Variants in ZFR observed in about 807,000 individuals in gnomAD.
ZFR encodes zinc finger RNA-binding protein.
Under a neutral mutation model 130.7 loss-of-function variants are expected in ZFR, and 19 were observed. The ratio of observed to expected loss-of-function variants is 0.15; its 90% CI spans 0.10 to 0.21. The LOEUF is 0.21. Ranked by LOEUF, ZFR falls within the 10% of genes least tolerant of loss-of-function variation. ZFR has a pLI of 1.00. For missense variants in ZFR, 872 were observed against 1,321.5 expected (o/e 0.66, Z 5.27); for synonymous variants, 466 against 456.9 (o/e 1.02, Z -0.25).
chr5:32,436,506 C>T (rs912717022), intron 2 of ZFR, among the ~76,000 whole-genome samples: 1 of 152,064 alleles, frequency 6.6e-6, no homozygotes, highest in Admixed American at 6.6e-5. Context: ...CTACTGAATG[C>T]TTGATATATG....
chr5:32,430,746 G>C (rs1200381327), intron 2 of ZFR, among the ~76,000 whole-genome samples: 1 of 152,092 alleles, frequency 6.6e-6, no homozygotes, highest in African/African-American at 2.4e-5. Flanking sequence ...CAAGGAGGTA[G>C]AATCAAAGAT....
chr5:32,406,728 C>G (rs1581701120), intron 6 of ZFR, 46 bp downstream of exon 6: 1 of 1,572,932 alleles, frequency 6.4e-7, no homozygotes, highest in African/African-American at 1.4e-5. Flanking sequence ...ACCAACTACA[C>G]TTAATAACCA....
intron 2 of ZFR, among the ~76,000 whole-genome samples, chr5:32,441,167 G>A (rs188122081): frequency 1.7e-4 from 26 of 152,252 alleles, no homozygotes; most frequent in Admixed American, 1.1e-3. Context: ...AGTAGAGACC[G>A]GGTTTCGCCA....
intron 12 of ZFR, among the ~76,000 whole-genome samples, chr5:32,389,897 T>A (rs1458554586): frequency 1.3e-5 from 2 of 152,224 alleles, no homozygotes; most frequent in Non-Finnish European, 2.9e-5. Context: ...ATGCCTATAA[T>A]CCCAGCATTT....
At chr5:32,380,399 C>T (rs1752907897) in intron 15 of ZFR, 1 of 378,046 alleles carries the variant, frequency 2.6e-6, no homozygotes, top group African/African-American at 2.0e-5. Flanking sequence ...GAAATATAAA[C>T]CCTACCCACC....
chr5:32,433,860 C>T (rs1475269851), intron 2 of ZFR, among the ~76,000 whole-genome samples: 2 of 152,050 alleles, frequency 1.3e-5, no homozygotes, highest in East Asian at 1.9e-4. Context: ...GCAGGCGGAT[C>T]GCTTGAATCC....
At chr5:32,361,505 A>G (rs1457038075) in intron 19 of ZFR, among the ~76,000 whole-genome samples, 1 of 152,152 alleles carries the variant, frequency 6.6e-6, no homozygotes, top group African/African-American at 2.4e-5. Flanking sequence ...TAAAGATAAC[A>G]TAATAGTGTT....
chr5:32,420,228 A>G, intron 2 of ZFR, 125 bp from the exon 3 acceptor site: 9 of 1,133,322 alleles, frequency 7.9e-6, no homozygotes, highest in Non-Finnish European at 1.1e-5. Flanking sequence ...GACGGACCAC[A>G]AAAGGTCAAG....
At chr5:32,441,009 C>A (rs1173476578) in intron 2 of ZFR, among the ~76,000 whole-genome samples, 1 of 152,164 alleles carries the variant, frequency 6.6e-6, no homozygotes, top group Non-Finnish European at 1.5e-5. Context: ...GAGTCTGTCT[C>A]TGTTGCCCAG....
chr5:32,399,092 A>G (rs896705435), intron 9 of ZFR, among the ~76,000 whole-genome samples: 7 of 151,820 alleles, frequency 4.6e-5, no homozygotes, highest in African/African-American at 1.7e-4. Flanking sequence ...TGGCCAACAT[A>G]GTGAAACCCC....
chr5:32,383,473 AATGTTT>A (rs1752976917), intron 15 of ZFR, among the ~76,000 whole-genome samples: 1 of 152,224 alleles, frequency 6.6e-6, no homozygotes, highest in African/African-American at 2.4e-5. Context: ...ATGTTTACTT[AATGTTT>A]AACTGTCAAA....
chr5:32,414,780 TCTC>T (rs1290313203), intron 5 of ZFR, among the ~76,000 whole-genome samples, 186 bp downstream of exon 5: 2 of 151,446 alleles, frequency 1.3e-5, no homozygotes, highest in African/African-American at 4.9e-5. Flanking sequence ...TCTAAGATCT[TCTC>T]CTCCCCACGC....
intron 2 of ZFR, among the ~76,000 whole-genome samples, chr5:32,443,049 CA>C (rs565038328): frequency 7.9e-4 from 113 of 143,628 alleles, no homozygotes; most frequent in African/African-American, 6.1e-4. Context: ...ATTATTTATT[CA>C]AAAAAAAAAA....
At chr5:32,419,470 T>C (rs1275244152) in intron 3 of ZFR, among the ~76,000 whole-genome samples, 1 of 152,172 alleles carries the variant, frequency 6.6e-6, no homozygotes, top group African/African-American at 2.4e-5. Context: ...CCTGAGTAGC[T>C]GGGACTACAG....
intron 11 of ZFR, 138 bp downstream of exon 11, chr5:32,395,021 C>T (rs1010929021): frequency 1.1e-4 from 140 of 1,231,004 alleles, no homozygotes; most frequent in Non-Finnish European, 1.5e-4. Flanking sequence ...CTTTCCTAGA[C>T]CTAGGATCTT....
intron 2 of ZFR, among the ~76,000 whole-genome samples, chr5:32,423,169 C>T (rs1561915846): frequency 6.6e-6 from 1 of 151,952 alleles, no homozygotes; most frequent in African/African-American, 2.4e-5. Flanking sequence ...TCCATCACTA[C>T]AAAAAACACA....
At position 32,415,035 on chromosome 5, in the gene ZFR, C is replaced by T. The variant is rs1753788733; in HGVS notation, c.718G>A (p.Ala240Thr). 6.2e-7 allele frequency: 1 copy of T among 1,613,992 alleles called. No homozygotes were observed. Among genetic ancestry groups the T allele is most frequent in the Non-Finnish European group, 8.5e-7 (1 of 1,179,996 alleles). Residue 240 changes from alanine to threonine, a missense_variant, in exon 5 of 20, where the codon GCG becomes ACG. Physicochemically the swap from Ala to Thr is moderately conservative, Grantham distance 58. This residue lies in a region of ZFR where 240 missense variants were observed against 441.2 expected (regional missense o/e 0.54). Transcript: ENST00000265069. ...VSSTVQPVAA[A>T]ATVVPSYTQS... ...GTATAGGATGGCACCACAGTAGCCGCAGCTGCTACTGGCTGTACGGTGGAG... is the reference window on the plus strand; with the variant it reads ...GTATAGGATGGCACCACAGTAGCCGTAGCTGCTACTGGCTGTACGGTGGAG...
chr5:32,381,504 A>G (rs1259859609), intron 15 of ZFR, among the ~76,000 whole-genome samples: 3 of 152,166 alleles, frequency 2.0e-5, no homozygotes, highest in African/African-American at 4.8e-5. Context: ...ACAGTTTAAT[A>G]ATCGAATATA....
chr5:32,421,135 A>T (rs891412975), intron 2 of ZFR, among the ~76,000 whole-genome samples: 3 of 152,232 alleles, frequency 2.0e-5, no homozygotes, highest in Non-Finnish European at 4.4e-5. Context: ...GTTAGCATAT[A>T]AAAGTGTATT....
Sources: allele counts gnomAD v4.1 joint callset (sites outside exome capture counted in the v4.1 genomes callset), GRCh38; gene constraint gnomAD v4.1.1; regional missense constraint gnomAD v4.1.1; transcripts MANE v1.5; gene names NCBI Gene and HGNC (gene_info 2026-07-23, HGNC 2026-07-21).